Variants in ASTN2 observed in about 807,000 individuals in gnomAD.
ASTN2 encodes astrotactin-2.
A neutral mutation model predicts 139.8 loss-of-function variants in ASTN2; 54 were observed. The ratio of observed to expected loss-of-function variants is 0.39; its 90% CI spans 0.31 to 0.48. ASTN2 has a LOEUF of 0.48. ASTN2 is among the 20% of genes least tolerant of loss of function. The pLI is 0.95. For missense variants in ASTN2, 1,565 were observed against 1,725.1 expected (o/e 0.91, Z 1.64); for synonymous variants, 756 against 719.5 (o/e 1.05, Z -0.81).
chr9:117,122,206 T>C (rs969063296), intron 4 of ASTN2, among the ~76,000 whole-genome samples: 1 of 152,208 alleles, frequency 6.6e-6, no homozygotes, highest in African/African-American at 2.4e-5. Context: ...AGGTATGCTA[T>C]TGGATGCTAT....
In ASTN2 at chr9:117,128,404, A is replaced by T. The variant is rs557949975; in HGVS notation, c.1168+12922T>A. The stretch of plus-strand genomic sequence containing the variant: ...AAAAAAAAAAAAAAAAAAAAAAGAA[A>T]TCAAGGTCTTAAAAATACTTCAAAC... On this transcript the variant is annotated intron_variant, in intron 4 of 22. Coordinates refer to ENST00000313400, the MANE Select transcript of ASTN2 (RefSeq NM_001365068.1). 9.0e-5 allele frequency among the ~76,000 whole-genome samples: 12 copies of T among 133,126 alleles called. No individual in the cohort carries two copies. In the South Asian group the frequency reaches 3.1e-3, roughly 34 times the overall value. The allele number at this position is 133,126 out of a possible 152,430, so 87.3% of individuals were successfully genotyped here. A position where few individuals can be genotyped will look rare whatever the true frequency, so the allele number is the denominator to read the frequency against.
chr9:117,408,305 A>G (rs1224223426), intron 1 of ASTN2, among the ~76,000 whole-genome samples: 1 of 152,134 alleles, frequency 6.6e-6, no homozygotes, highest in African/African-American at 2.4e-5. Flanking sequence ...ATTGGGCTTA[A>G]ATTTGGACTG....
chr9:116,801,177 A>T (rs1707965105), intron 13 of ASTN2, among the ~76,000 whole-genome samples: 1 of 152,174 alleles, frequency 6.6e-6, no homozygotes, highest in Non-Finnish European at 1.5e-5. Context: ...GTAGGAGGAG[A>T]GAAATGACAA....
intron 6 of ASTN2, among the ~76,000 whole-genome samples, chr9:117,019,994 C>A (rs1343359122): frequency 7.2e-6 from 1 of 138,766 alleles, no homozygotes; most frequent in African/African-American, 2.7e-5. Context: ...AATAGCCATT[C>A]AGGGTTTCTG....
At chr9:117,127,287 G>A (rs1829712999) in intron 4 of ASTN2, among the ~76,000 whole-genome samples, 2 of 152,128 alleles carry the variant, frequency 1.3e-5, no homozygotes, top group Non-Finnish European at 2.9e-5. Context: ...AGGTTGCTCC[G>A]CAACACTGCA....
chr9:117,120,728 A>G (rs996499775), intron 4 of ASTN2, among the ~76,000 whole-genome samples: 1 of 152,212 alleles, frequency 6.6e-6, no homozygotes, highest in African/African-American at 2.4e-5. Flanking sequence ...ATAATGGGGA[A>G]GGCAAGTGGA....
intron 13 of ASTN2, among the ~76,000 whole-genome samples, chr9:116,739,123 A>C (rs1320749683): frequency 6.6e-6 from 1 of 152,186 alleles, no homozygotes; most frequent in Non-Finnish European, 1.5e-5. Flanking sequence ...CGATTCTAAA[A>C]TAGTAGATCT....
chr9:117,293,706 G>T (rs557025701), intron 1 of ASTN2, among the ~76,000 whole-genome samples: 63 of 152,352 alleles, frequency 4.1e-4, no homozygotes, highest in African/African-American at 1.4e-3. Flanking sequence ...CCAAGGCCTT[G>T]GCAGTAGCTT....
chr9:117,172,031 C>T (rs116678198), intron 3 of ASTN2, among the ~76,000 whole-genome samples: 251 of 152,170 alleles, frequency 1.6e-3, no homozygotes, highest in African/African-American at 2.3e-3. Context: ...CACAAAATAA[C>T]GCATCTGTAG....
intron 13 of ASTN2, among the ~76,000 whole-genome samples, chr9:116,762,816 C>G (rs1370042426): frequency 6.6e-6 from 1 of 152,196 alleles, no homozygotes; most frequent in Non-Finnish European, 1.5e-5. Flanking sequence ...GATCAGGTAG[C>G]TGGAAAGCTC....
intron 16 of ASTN2, among the ~76,000 whole-genome samples, chr9:116,682,902 G>A (rs922274717): frequency 6.6e-6 from 1 of 152,048 alleles, no homozygotes; most frequent in African/African-American, 2.4e-5. Flanking sequence ...GGGAGGGATA[G>A]CATTAGGAGA....
intron 19 of ASTN2, among the ~76,000 whole-genome samples, chr9:116,533,927 G>T (rs961353316): frequency 6.6e-6 from 1 of 152,182 alleles, no homozygotes; most frequent in African/African-American, 2.4e-5. Flanking sequence ...AATAGTTTCA[G>T]AAGGAATGGC....
chr9:116,602,027 C>A (rs1160013173), intron 19 of ASTN2, among the ~76,000 whole-genome samples: 2 of 152,136 alleles, frequency 1.3e-5, no homozygotes, highest in Non-Finnish European at 1.5e-5. Context: ...GAGTTAGATA[C>A]CAAACCAGGA....
rs3040241 is a variant in ASTN2 at position 116,446,272 on chromosome 9, T to TAGAGAGAGAGAGAGAGAGAG, written c.3498-3739_3498-3720dup. On this transcript the variant is annotated intron_variant, in intron 20 of 22. Transcript: ENST00000313400. The stretch of plus-strand genomic sequence containing the variant: ...GGGGAGAGGGAGAGAGAGAGAGAGA[T>TAGAGAGAGAGAGAGAGAGAG]AGAGAGAGAGAGAGAGAGAGAGAGA... Among the ~76,000 whole-genome samples, 248 of 119,110 alleles carry TAGAGAGAGAGAGAGAGAGAG rather than the reference T, an allele frequency of 2.1e-3. 7 individuals are homozygous for TAGAGAGAGAGAGAGAGAGAG. Among genetic ancestry groups the TAGAGAGAGAGAGAGAGAGAG allele is most frequent in the Non-Finnish European group, 2.9e-3 (170 of 59,034 alleles). The allele number at this position is 119,110 out of a possible 152,430, so 78.1% of individuals were successfully genotyped here.
At chr9:117,029,877 T>C (rs78151380) in intron 6 of ASTN2, among the ~76,000 whole-genome samples, 3 of 152,102 alleles carry the variant, frequency 2.0e-5, no homozygotes, top group African/African-American at 7.2e-5. Context: ...AGGTTTTCTT[T>C]ATACATATTA....
chr9:117,241,967 A>G (rs1289422962), intron 2 of ASTN2, among the ~76,000 whole-genome samples: 2 of 134,448 alleles, frequency 1.5e-5, no homozygotes, highest in Non-Finnish European at 3.2e-5. Flanking sequence ...CTATATTTTC[A>G]TATGAAATTT....
At chr9:117,269,927 T>C (rs574422092) in intron 2 of ASTN2, among the ~76,000 whole-genome samples, 2 of 152,330 alleles carry the variant, frequency 1.3e-5, no homozygotes, top group East Asian at 1.9e-4. Context: ...TTCATATACA[T>C]CTTATCTCAC....
chr9:116,737,392 G>C (rs1828956906), intron 13 of ASTN2, among the ~76,000 whole-genome samples: 1 of 152,188 alleles, frequency 6.6e-6, no homozygotes, highest in Non-Finnish European at 1.5e-5. Flanking sequence ...CGACCAGGGA[G>C]CTGGCAGGGT....
In ASTN2 at chr9:116,642,132, C is replaced by CAAAAAAAA. The variant is rs1252642911; in HGVS notation, c.3072+9388_3072+9395dup. The stretch of plus-strand genomic sequence containing the variant: ...TGGGAAAATGAAGGCTCCCAACCCA[C>CAAAAAAAA]AAAAAAAAAAAAACAAAAAAAAACA... On this transcript the variant is annotated intron_variant, in intron 17 of 22. Coordinates refer to ENST00000313400, the MANE Select transcript of ASTN2 (RefSeq NM_001365068.1). Among the ~76,000 whole-genome samples, 73 of 48,908 alleles carry CAAAAAAAA rather than the reference C, an allele frequency of 1.5e-3. 7 individuals are homozygous for CAAAAAAAA. The highest frequency in any genetic ancestry group is 2.5e-3 in the East Asian group (3 of 1,200). 32.1% of individuals were successfully genotyped at this position (48,908 alleles called of 152,430 possible).
Sources: allele counts gnomAD v4.1 joint callset (sites outside exome capture counted in the v4.1 genomes callset), GRCh38; gene constraint gnomAD v4.1.1; transcripts MANE v1.5; gene names NCBI Gene and HGNC (gene_info 2026-07-23, HGNC 2026-07-21).